ARL6IP5: variants seen among roughly 807,000 people sequenced by gnomAD.
ARL6IP5 encodes the protein ARF like GTPase 6 interacting protein 5.
Under a neutral mutation model 13.0 loss-of-function variants are expected in ARL6IP5, and 6 were observed. That is an observed-to-expected ratio of 0.46 (90% confidence interval 0.25 to 0.91). The LOEUF is 0.91. ARL6IP5 is among the 40% of genes least tolerant of loss of function. The probability of loss-of-function intolerance (pLI) is 0.17; values close to 1 mark genes in which losing one functional copy is unlikely to be tolerated. For missense variants in ARL6IP5, 208 were observed against 248.8 expected, an observed-to-expected ratio of 0.84 and a Z score of 1.10; for synonymous variants, 91 against 91.9, an observed-to-expected ratio of 0.99 and a Z score of 0.06.
At position 69,102,069 on chromosome 3, in the gene ARL6IP5, G is replaced by C. The variant is rs750238122; in HGVS notation, c.394+13G>C. The C allele has an allele frequency of 2.5e-6, 4 of 1,610,134 alleles. No homozygotes were observed. The African/African-American group carries it at 4.0e-5, about 16-fold the overall frequency. ...TTTCCTTTGCTGTGTAAGTGAACTT[G>C]AGTTTTTTCTTCCATCATCAAAAAA... is the stretch of plus-strand genomic sequence containing the variant. On this transcript the variant is annotated intron_variant, in intron 2 of 2. Transcript: ENST00000273258.
Position 69,085,011 on chromosome 3 carries a change from G to T in ARL6IP5, c.-37G>T, listed in dbSNP as rs1352891212. ...CTGATCGGTTGCCGCCGCCGCCGCC[G>T]CCAGATTCTGGAGGCGAAGAACGCA... On this transcript the variant is annotated 5_prime_UTR_variant, in exon 1 of 3. Transcript: ENST00000273258. The T allele has an allele frequency of 1.3e-5, 21 of 1,599,522 alleles. No individual in the cohort carries two copies. In the East Asian group the frequency reaches 4.5e-4, roughly 34 times the overall value.
intron 1 of ARL6IP5, among the ~76,000 whole-genome samples, chr3:69,087,235 C>A (rs926590061): frequency 2.0e-5 from 3 of 152,078 alleles, no homozygotes; most frequent in African/African-American, 7.2e-5. Flanking sequence ...CTGGTCTTGA[C>A]TTCTGGGCTC....
intron 1 of ARL6IP5, among the ~76,000 whole-genome samples, chr3:69,092,157 T>G (rs769826962): frequency 6.6e-6 from 1 of 152,162 alleles, no homozygotes; most frequent in Non-Finnish European, 1.5e-5. Flanking sequence ...GGCTAACAAC[T>G]TCAGGTTTGC....
At chr3:69,094,555 C>G (rs765798483) in intron 1 of ARL6IP5, among the ~76,000 whole-genome samples, 2 of 151,886 alleles carry the variant, frequency 1.3e-5, no homozygotes, top group Non-Finnish European at 2.9e-5. Context: ...ATATTGTTCC[C>G]CACTTTTTCG....
Position 69,101,934 on chromosome 3 carries a change from G to A in ARL6IP5, c.272G>A (p.Arg91His), listed in dbSNP as rs746762798. Reference protein sequence around the residue: ...VWAAHNKDVLRRMKKRYPTTF... With the variant: ...VWAAHNKDVLHRMKKRYPTTF... ...GCAGCCCACAATAAAGACGTCCTTC[G>A]CCGGATGAAGAAGCGCTACCCCACG... Residue 91 changes from arginine to histidine, a missense_variant, in exon 2 of 3, where the codon CGC (arginine) becomes CAC (histidine). Transcript: ENST00000273258. 5.1e-5 allele frequency: 82 copies of A among 1,613,834 alleles called. No homozygotes were observed. The South Asian group carries it at 7.5e-4, about 15-fold the overall frequency.
chr3:69,095,500 GTTC>G (rs2092283972), intron 1 of ARL6IP5, among the ~76,000 whole-genome samples: 1 of 148,518 alleles, frequency 6.7e-6, no homozygotes, highest in Admixed American at 6.7e-5. Flanking sequence ...ACCATCCCTC[GTTC>G]TTTTTTTTTT....
intron 1 of ARL6IP5, among the ~76,000 whole-genome samples, chr3:69,099,051 G>A (rs1022127420): frequency 6.7e-6 from 1 of 148,610 alleles, no homozygotes. Flanking sequence ...TATTATTGTA[G>A]AGTTTAGTTT....
intron 1 of ARL6IP5, among the ~76,000 whole-genome samples, chr3:69,087,187 A>AT (rs963425476): frequency 4.0e-5 from 6 of 151,648 alleles, no homozygotes; most frequent in Admixed American, 3.3e-4. Flanking sequence ...AGCCTGGCTA[A>AT]TTTTTTTTAG....
At chr3:69,090,583 G>A (rs990829644) in intron 1 of ARL6IP5, among the ~76,000 whole-genome samples, 1 of 152,164 alleles carries the variant, frequency 6.6e-6, no homozygotes, top group African/African-American at 2.4e-5. Flanking sequence ...CAGGTGTTGG[G>A]AATAGGGGAG....
intron 1 of ARL6IP5, among the ~76,000 whole-genome samples, chr3:69,089,637 T>TAAAAAA (rs35599045): frequency 1.5e-5 from 2 of 132,458 alleles, no homozygotes; most frequent in East Asian, 4.4e-4. Context: ...AAACCCTGTC[T>TAAAAAA]AAAAAAAAAA....
At chr3:69,093,703 A>G (rs1203464371) in intron 1 of ARL6IP5, among the ~76,000 whole-genome samples, 2 of 151,694 alleles carry the variant, frequency 1.3e-5, no homozygotes, top group African/African-American at 4.8e-5. Context: ...CAGAGGTTGC[A>G]GCGAGCCAAG....
At chr3:69,093,073 A>G (rs1244397150) in intron 1 of ARL6IP5, among the ~76,000 whole-genome samples, 2 of 152,172 alleles carry the variant, frequency 1.3e-5, no homozygotes, top group Non-Finnish European at 2.9e-5. Context: ...CACAACTATT[A>G]TTTGAAGCTC....
At chr3:69,094,857 A>T (rs940904217) in intron 1 of ARL6IP5, among the ~76,000 whole-genome samples, 3 of 150,478 alleles carry the variant, frequency 2.0e-5, no homozygotes, top group African/African-American at 7.3e-5. Context: ...GGTTAGCAAG[A>T]TCCTTCCTAG....
At chr3:69,102,279 T>C (rs1240513018) in intron 2 of ARL6IP5, 1 of 573,746 alleles carries the variant, frequency 1.7e-6, no homozygotes, top group South Asian at 2.1e-5. Flanking sequence ...TCCACAAATA[T>C]TTGTTGGGGC....
chr3:69,093,389 A>G (rs1429686276), intron 1 of ARL6IP5, among the ~76,000 whole-genome samples: 1 of 152,236 alleles, frequency 6.6e-6, no homozygotes, highest in African/African-American at 2.4e-5. Flanking sequence ...GCTCCTGTTC[A>G]GTTTTACCTA....
intron 1 of ARL6IP5, among the ~76,000 whole-genome samples, chr3:69,096,816 A>T (rs2092288823): frequency 6.6e-6 from 1 of 151,774 alleles, no homozygotes; most frequent in South Asian, 2.1e-4. Context: ...GTTGACCAGG[A>T]TGGTCTTGAT....
Position 69,085,154 on chromosome 3 carries a change from T to C in ARL6IP5, c.107T>C (p.Val36Ala). 6.2e-7 allele frequency: 1 copy of C among 1,614,198 alleles called. No individual in the cohort carries two copies. Among genetic ancestry groups the C allele is most frequent in the Non-Finnish European group, 8.5e-7 (1 of 1,180,024 alleles). ...GACATTTCCAAATGGAACAACCGCG[T>C]AGTGAGCAACCTGCTCTATTACCAG... ...FRDISKWNNR[V>A]VSNLLYYQTN... The change falls in exon 1 of 3, where the codon GTA becomes GCA. Residue 36 changes from valine (V) to alanine (A), a missense_variant. Val to Ala is a moderately conservative substitution (Grantham distance 64). Transcript: ENST00000273258.
At chr3:69,098,911 A>G (rs1478195778) in intron 1 of ARL6IP5, among the ~76,000 whole-genome samples, 3 of 152,128 alleles carry the variant, frequency 2.0e-5, no homozygotes, top group South Asian at 4.1e-4. Flanking sequence ...CATAAATACC[A>G]CTAATATCAA....
intron 1 of ARL6IP5, among the ~76,000 whole-genome samples, chr3:69,098,083 C>CTT (rs202107411): frequency 4.1e-5 from 6 of 146,982 alleles, no homozygotes; most frequent in African/African-American, 1.0e-4. Context: ...ATTTCTATTT[C>CTT]TTTTTTTTTT....
Sources: allele counts gnomAD v4.1 joint callset (sites outside exome capture counted in the v4.1 genomes callset), GRCh38; gene constraint gnomAD v4.1.1; transcripts MANE v1.5; gene names NCBI Gene and HGNC (gene_info 2026-07-23, HGNC 2026-07-21).